Variants in SOCS5 observed in about 807,000 individuals in gnomAD.
SOCS5 encodes the protein suppressor of cytokine signaling 5.
In SOCS5, 32 loss-of-function variants were observed where a neutral mutation model predicts 42.8. The observed-to-expected ratio is 0.75, with a 90% CI of 0.56 to 1.01. The LOEUF (loss-of-function observed/expected upper bound fraction) is 1.01, where lower values mean the gene tolerates loss of function less well. Ranked by LOEUF, SOCS5 falls within the 50% of genes least tolerant of loss-of-function variation. SOCS5 has a pLI of 0.00. For missense variants in SOCS5, 627 were observed against 653.0 expected (o/e 0.96, Z 0.43); for synonymous variants, 283 against 229.6 (o/e 1.23, Z -2.10).
chr2:46,740,266 C>T (rs773229907), intron 1 of SOCS5, among the ~76,000 whole-genome samples: 3 of 152,166 alleles, frequency 2.0e-5, no homozygotes, highest in Middle Eastern at 3.2e-3. Context: ...AGTGATTGGT[C>T]GGCCACTGCC....
At chr2:46,731,868 A>G (rs759208001) in intron 1 of SOCS5, among the ~76,000 whole-genome samples, 11 of 152,254 alleles carry the variant, frequency 7.2e-5, no homozygotes, top group South Asian at 6.2e-4. Flanking sequence ...TACAATAAAT[A>G]TGGCACTTTA....
At chr2:46,742,172 C>T (rs1249142740) in intron 1 of SOCS5, among the ~76,000 whole-genome samples, 1 of 152,264 alleles carries the variant, frequency 6.6e-6, no homozygotes, top group Non-Finnish European at 1.5e-5. Flanking sequence ...GCCAAGTATA[C>T]ATCTGATTTG....
chr2:46,758,522 T>C lies in SOCS5; in HGVS notation c.-9T>C, dbSNP rs752590154. The C allele has an allele frequency of 6.4e-7, 1 of 1,570,008 alleles. No individual in the cohort carries two copies. The highest frequency in any genetic ancestry group is 8.6e-7 in the Non-Finnish European group (1 of 1,161,264). On this transcript the variant is annotated 5_prime_UTR_variant, in exon 2 of 2. Coordinates refer to ENST00000394861, the MANE Select transcript of SOCS5 (RefSeq NM_144949.3). ...CTTTTTGCTGTTTTGTCTTTAGATT[T>C]TATAATCAATGGATAAAGTGGGAAA...
Position 46,760,686 on chromosome 2 carries a change from A to G in SOCS5, c.*545A>G, listed in dbSNP as rs1389994106. The G allele has an allele frequency of 1.8e-5, 3 of 167,380 alleles. No homozygotes were observed. The highest frequency in any genetic ancestry group is 2.9e-5 in the Non-Finnish European group (2 of 68,326). The allele number at this position is 167,380 out of a possible 1,614,324, so 10.4% of individuals were successfully genotyped here. On this transcript the variant is annotated 3_prime_UTR_variant, in exon 2 of 2. Coordinates refer to ENST00000394861, the MANE Select transcript of SOCS5 (RefSeq NM_144949.3). Reference sequence around the variant, plus strand: ...GTGCAGTTCACTTACGTGTTGATGTAGTTTATAATCAGACGCCTTTTCTCT... The same window carrying G: ...GTGCAGTTCACTTACGTGTTGATGTGGTTTATAATCAGACGCCTTTTCTCT...
intron 1 of SOCS5, among the ~76,000 whole-genome samples, chr2:46,733,857 G>A (rs17771255): frequency 0.072 from 10,999 of 152,186 alleles, 448 homozygotes; most frequent in Non-Finnish European, 0.085. Context: ...GACACACCAA[G>A]AGTAATTGAA....
At chr2:46,731,926 G>T (rs988730679) in intron 1 of SOCS5, among the ~76,000 whole-genome samples, 1 of 152,220 alleles carries the variant, frequency 6.6e-6, no homozygotes, top group African/African-American at 2.4e-5. Flanking sequence ...CATGGGAAAA[G>T]TTGCCTCTTG....
At chr2:46,709,581 G>A (rs1672568885) in intron 1 of SOCS5, among the ~76,000 whole-genome samples, 1 of 152,162 alleles carries the variant, frequency 6.6e-6, no homozygotes, top group South Asian at 2.1e-4. Flanking sequence ...TACCAAGAAA[G>A]TAATAGAACA....
chr2:46,759,584 A>T lies in SOCS5; in HGVS notation c.1054A>T (p.Ser352Cys), dbSNP rs758202754. Reference protein sequence around the residue: ...QISGDSHTHVSRQGAWKVHTQ... With the variant: ...QISGDSHTHVCRQGAWKVHTQ... The stretch of plus-strand genomic sequence containing the variant: ...ATCTGGAGACAGCCATACCCATGTT[A>T]GCAGACAGGGAGCTTGGAAAGTCCA... The change falls in exon 2 of 2, where the codon AGC (serine) becomes TGC (cysteine). Residue 352 changes from serine to cysteine, a missense_variant. Transcript: ENST00000394861. 1.2e-6 allele frequency: 2 copies of T among 1,613,868 alleles called. No homozygotes were observed. The highest frequency in any genetic ancestry group is 2.7e-5 in the African/African-American group (2 of 74,932).
intron 1 of SOCS5, among the ~76,000 whole-genome samples, chr2:46,733,981 A>G (rs1348666969): frequency 2.0e-5 from 3 of 152,250 alleles, no homozygotes; most frequent in African/African-American, 7.2e-5. Context: ...TTATTAAAAG[A>G]CTGAAATGTA....
intron 1 of SOCS5, among the ~76,000 whole-genome samples, chr2:46,730,371 C>A (rs991335577): frequency 3.9e-5 from 6 of 152,148 alleles, no homozygotes; most frequent in South Asian, 4.2e-4. Context: ...GAGGCCGAGG[C>A]GGGCGGATTG....
At chr2:46,743,996 CT>C (rs10710540) in intron 1 of SOCS5, among the ~76,000 whole-genome samples, 109,200 of 148,864 alleles carry the variant, frequency 0.73, 40,770 homozygotes, top group African/African-American at 0.88. Flanking sequence ...TATTTTCTTT[CT>C]TTTTTTTTTT....
At chr2:46,706,468 C>CT (rs1672465519) in intron 1 of SOCS5, among the ~76,000 whole-genome samples, 1 of 152,156 alleles carries the variant, frequency 6.6e-6, no homozygotes, top group African/African-American at 2.4e-5. Flanking sequence ...TATCTAAATA[C>CT]TTTGAGAGGA....
intron 1 of SOCS5, among the ~76,000 whole-genome samples, chr2:46,744,052 C>G (rs1673442641): frequency 6.6e-6 from 1 of 151,866 alleles, no homozygotes; most frequent in African/African-American, 2.4e-5. Flanking sequence ...TGCAGTGGCG[C>G]AATCTCAGCT....
chr2:46,726,447 A>G (rs1229100997), intron 1 of SOCS5, among the ~76,000 whole-genome samples: 1 of 152,136 alleles, frequency 6.6e-6, no homozygotes, highest in Non-Finnish European at 1.5e-5. Flanking sequence ...AATCTGATAT[A>G]CACTGTATCT....
intron 1 of SOCS5, among the ~76,000 whole-genome samples, chr2:46,714,132 G>A (rs987395177): frequency 6.6e-6 from 1 of 152,082 alleles, no homozygotes. Context: ...CTGTTACTAG[G>A]TGGGGTGTTC....
chr2:46,703,114 G>A (rs1672381920), intron 1 of SOCS5, among the ~76,000 whole-genome samples: 1 of 151,784 alleles, frequency 6.6e-6, no homozygotes, highest in Non-Finnish European at 1.5e-5. Context: ...TCTTTTAATT[G>A]CCCTTATTTG....
In SOCS5 at chr2:46,761,166, A is replaced by T. The variant is rs1206302871; in HGVS notation, c.*1025A>T. 4 of 167,138 alleles carry T rather than the reference A, an allele frequency of 2.4e-5. No homozygotes were observed. Among genetic ancestry groups the T allele is most frequent in the African/African-American group, 9.6e-5 (4 of 41,472 alleles). 10.4% of individuals were successfully genotyped at this position (167,138 alleles called of 1,614,324 possible). On this transcript the variant is annotated 3_prime_UTR_variant, in exon 2 of 2. Transcript: ENST00000394861. ...TCAGTGCAGTTCATTCTTAATGGAA[A>T]ATCTGAAACCTAAATTGCAGATTTA... is the stretch of plus-strand genomic sequence containing the variant.
rs73926578 is a variant in SOCS5 at position 46,755,472 on chromosome 2, G to A, written c.-12-3047G>A. Among the ~76,000 whole-genome samples the A allele has an allele frequency of 4.1e-3, 620 of 152,182 alleles. 5 individuals carry two copies. The highest frequency in any genetic ancestry group is 0.014 in the African/African-American group (578 of 41,546). On this transcript the variant is annotated intron_variant, in intron 1 of 1. Coordinates refer to ENST00000394861, the MANE Select transcript of SOCS5 (RefSeq NM_144949.3). ...ATAATTCTAATTTGTAGCTTATCCA[G>A]TTAAATATAATTTTTCAACAAAAGC...
intron 1 of SOCS5, among the ~76,000 whole-genome samples, chr2:46,754,064 C>T (rs1382416456): frequency 6.6e-6 from 1 of 152,040 alleles, no homozygotes; most frequent in Non-Finnish European, 1.5e-5. Context: ...GCCTAACCCC[C>T]TAGGAATGCA....
Sources: allele counts gnomAD v4.1 joint callset (sites outside exome capture counted in the v4.1 genomes callset), GRCh38; gene constraint gnomAD v4.1.1; transcripts MANE v1.5; gene names NCBI Gene and HGNC (gene_info 2026-07-23, HGNC 2026-07-21).